ANO10: variants seen among roughly 807,000 people sequenced by gnomAD.
ANO10 encodes anoctamin-10.
ANO10 carries 77 observed loss-of-function variants against 74.7 expected under a neutral mutation model. The ratio of observed to expected loss-of-function variants is 1.03; its 90% CI spans 0.86 to 1.25. The LOEUF (loss-of-function observed/expected upper bound fraction) is 1.25. Ranked by LOEUF, ANO10 falls within the 50% of genes most tolerant of loss-of-function variation. ANO10 has a pLI of 0.00. For missense variants in ANO10, 721 were observed against 778.1 expected (o/e 0.93, Z 0.87); for synonymous variants, 279 against 284.9 (o/e 0.98, Z 0.21).
intron 11 of ANO10, among the ~76,000 whole-genome samples, chr3:43,439,345 G>A (rs1274353529): frequency 2.0e-5 from 3 of 150,374 alleles, no homozygotes; most frequent in African/African-American, 7.4e-5. Context: ...AAACCTGAGG[G>A]ATTTCATCAC....
chr3:43,372,757 A>G (rs1489313665), intron 12 of ANO10: 4 of 1,266,088 alleles, frequency 3.2e-6, no homozygotes, highest in Admixed American at 2.0e-5. Context: ...GAGCAGGGCC[A>G]TGACTAGACC....
chr3:43,566,931 T>C (rs1276616513), intron 7 of ANO10, among the ~76,000 whole-genome samples: 2 of 152,132 alleles, frequency 1.3e-5, no homozygotes, highest in Non-Finnish European at 2.9e-5. Context: ...GTTGAAAACT[T>C]TGAAAAAAAT....
At chr3:43,588,956 C>CA (rs1210780327) in intron 4 of ANO10, among the ~76,000 whole-genome samples, 1 of 152,058 alleles carries the variant, frequency 6.6e-6, no homozygotes, top group African/African-American at 2.4e-5. Flanking sequence ...ATCAAGAAAA[C>CA]AAAGTACAAG....
chr3:43,543,412 C>T (rs763617724), intron 11 of ANO10, among the ~76,000 whole-genome samples: 6 of 152,174 alleles, frequency 3.9e-5, no homozygotes, highest in Admixed American at 6.5e-5. Flanking sequence ...TTTTTTGAGA[C>T]GGAGTCTCGC....
intron 11 of ANO10, among the ~76,000 whole-genome samples, chr3:43,536,862 T>C (rs777458919): frequency 2.0e-4 from 31 of 152,204 alleles, no homozygotes; most frequent in Non-Finnish European, 4.0e-4. Flanking sequence ...AACAAGTTTT[T>C]ATACATTTTA....
At chr3:43,554,977 T>C (rs370482306) in intron 10 of ANO10, among the ~76,000 whole-genome samples, 1 of 152,200 alleles carries the variant, frequency 6.6e-6, no homozygotes, top group Non-Finnish European at 1.5e-5. Context: ...GAGGGTCTCA[T>C]TAATACTGGC....
At chr3:43,483,253 T>C (rs1449983483) in intron 11 of ANO10, among the ~76,000 whole-genome samples, 1 of 152,204 alleles carries the variant, frequency 6.6e-6, no homozygotes, top group Non-Finnish European at 1.5e-5. Context: ...GTAAAAAAGA[T>C]CTGCTTCCAG....
intron 11 of ANO10, among the ~76,000 whole-genome samples, chr3:43,459,896 G>A (rs769008563): frequency 2.1e-4 from 32 of 152,092 alleles, no homozygotes; most frequent in Non-Finnish European, 4.4e-4. Context: ...GTTACTCAGG[G>A]TCACAAACCA....
chr3:43,546,505 G>A (rs1291702050), intron 11 of ANO10, among the ~76,000 whole-genome samples: 1 of 152,178 alleles, frequency 6.6e-6, no homozygotes, highest in Non-Finnish European at 1.5e-5. Flanking sequence ...CAACAAGGGT[G>A]CCAAGACCAC....
chr3:43,546,645 TA>T (rs74460231), intron 11 of ANO10, among the ~76,000 whole-genome samples: 51 of 144,084 alleles, frequency 3.5e-4, no homozygotes, highest in South Asian at 8.7e-4. Flanking sequence ...TAATAGAAAT[TA>T]AAAAAAAAAA....
chr3:43,628,677 A>C (rs2083515511), intron 1 of ANO10, among the ~76,000 whole-genome samples: 1 of 152,184 alleles, frequency 6.6e-6, no homozygotes. Flanking sequence ...ATCCCTGGGA[A>C]AGAGAATATG....
chr3:43,373,735 G>A (rs1032733936), intron 12 of ANO10, among the ~76,000 whole-genome samples: 1 of 152,214 alleles, frequency 6.6e-6, no homozygotes, highest in Admixed American at 6.5e-5. Flanking sequence ...CAGGAAGCTA[G>A]TCATGTCTGA....
At chr3:43,424,836 A>C (rs1313031265) in intron 12 of ANO10, 3 of 152,216 alleles carry the variant, frequency 2.0e-5, no homozygotes, top group Admixed American at 6.5e-5. Flanking sequence ...CTATCTGGGC[A>C]GCGGGCGAAA....
In ANO10 at chr3:43,390,220, T is replaced by G. The variant is rs193160699; in HGVS notation, c.1915-23246A>C. Among the ~76,000 whole-genome samples the G allele has an allele frequency of 8.6e-3, 1,306 of 152,330 alleles. 12 individuals are homozygous for G. Among genetic ancestry groups the G allele is most frequent in the Non-Finnish European group, 0.013 (918 of 68,028 alleles). Reference sequence around the variant, plus strand: ...AGCCACCAAACTGACACACCTGGACTGGACGTTGAGCCCACCACCTCTGGG... The same window carrying G: ...AGCCACCAAACTGACACACCTGGACGGGACGTTGAGCCCACCACCTCTGGG... On this transcript the variant is annotated intron_variant, in intron 12 of 12. Transcript: ENST00000292246.
At chr3:43,408,891 G>A (rs572793123) in intron 12 of ANO10, among the ~76,000 whole-genome samples, 1 of 152,176 alleles carries the variant, frequency 6.6e-6, no homozygotes, top group South Asian at 2.1e-4. Flanking sequence ...ATTAGCCTGG[G>A]TGTGGTGGCA....
chr3:43,565,796 T>C, intron 7 of ANO10, 69 bp from the exon 8 acceptor site: 3 of 1,484,492 alleles, frequency 2.0e-6, no homozygotes, highest in Non-Finnish European at 2.7e-6. Flanking sequence ...ACAACTGTAA[T>C]GCAGCATTTA....
chr3:43,466,694 T>A (rs1015083381), intron 11 of ANO10, among the ~76,000 whole-genome samples: 5 of 152,030 alleles, frequency 3.3e-5, no homozygotes, highest in African/African-American at 1.2e-4. Context: ...GACCTTAGGG[T>A]AACCAAAGAT....
intron 8 of ANO10, among the ~76,000 whole-genome samples, chr3:43,562,090 G>A (rs2080064744): frequency 6.6e-6 from 1 of 152,076 alleles, no homozygotes; most frequent in South Asian, 2.1e-4. Context: ...GTATATTGAG[G>A]CAGGGTGCAG....
At chr3:43,691,324 T>G in intron 1 of ANO10, 1 of 285,720 alleles carries the variant, frequency 3.5e-6, no homozygotes, top group African/African-American at 2.2e-5. Flanking sequence ...GCCCCGTTGT[T>G]GTATAAGCCA....
Sources: gnomAD v4.1 joint callset for allele counts (sites outside exome capture counted in the v4.1 genomes callset) on GRCh38, gnomAD v4.1.1 for gene constraint, MANE v1.5 for transcripts, NCBI Gene and HGNC (gene_info 2026-07-23, HGNC 2026-07-21) for gene names.